The following KLHDC4 variants were observed in gnomAD, a reference collection of about 807,000 sequenced individuals.
KLHDC4 encodes kelch domain containing 4, also known as kelch domain-containing protein 4.
Under a neutral mutation model 62.4 loss-of-function variants are expected in KLHDC4, and 90 were observed. The ratio of observed to expected loss-of-function variants is 1.44; its 90% CI spans 1.22 to 1.72. The LOEUF (loss-of-function observed/expected upper bound fraction) is 1.72. KLHDC4 is among the 40% of genes most tolerant of loss of function. The pLI is 0.00. For synonymous variants in KLHDC4, 386 were observed against 284.4 expected, an observed-to-expected ratio of 1.36 and a Z score of -3.59; for missense variants, 1,025 against 699.7, an observed-to-expected ratio of 1.47 and a Z score of -5.25.
intron 7 of KLHDC4, among the ~76,000 whole-genome samples, chr16:87,725,286 T>C (rs1175074823): frequency 1.3e-5 from 2 of 152,094 alleles, no homozygotes; most frequent in East Asian, 1.9e-4. Flanking sequence ...CAATGACGCA[T>C]AGGAAATTAC....
intron 5 of KLHDC4, among the ~76,000 whole-genome samples, chr16:87,732,679 A>G (rs2040593229): frequency 6.6e-6 from 1 of 152,250 alleles, no homozygotes; most frequent in South Asian, 2.1e-4. Flanking sequence ...TAAGAATTAG[A>G]TTCTTTAAAA....
intron 7 of KLHDC4, among the ~76,000 whole-genome samples, chr16:87,721,324 G>C (rs2142995288): frequency 1.3e-5 from 2 of 150,096 alleles, no homozygotes; most frequent in African/African-American, 4.9e-5. Context: ...GGAGGCAGGA[G>C]AATGGCGTGA....
At chr16:87,743,064 A>T (rs1231347883) in intron 5 of KLHDC4, 1 of 152,362 alleles carries the variant, frequency 6.6e-6, no homozygotes, top group African/African-American at 2.4e-5. Flanking sequence ...TGGGAGAACC[A>T]TCAGACATGA....
chr16:87,756,634 T>A lies in KLHDC4; in HGVS notation c.192-157A>T, dbSNP rs1019376769. Among the ~76,000 whole-genome samples, 3 of 150,738 alleles carry A rather than the reference T, an allele frequency of 2.0e-5. 1 individual carries two copies. Among genetic ancestry groups the A allele is most frequent in the Non-Finnish European group, 4.4e-5 (3 of 67,850 alleles). ...TCGAGAAAGGAAGCAAAGGTGCCAC[T>A]TGAACACCAACCCCTCTACCAGTGC... On this transcript the variant is annotated intron_variant, in intron 2 of 11. Coordinates refer to ENST00000270583, the MANE Select transcript of KLHDC4 (RefSeq NM_017566.4).
intron 7 of KLHDC4, among the ~76,000 whole-genome samples, chr16:87,720,217 G>A (rs1046419342): frequency 1.3e-5 from 2 of 152,206 alleles, no homozygotes; most frequent in Non-Finnish European, 2.9e-5. Context: ...GATAAAGGCC[G>A]GGGAGCGTTT....
chr16:87,728,790 C>A (rs900967802), intron 6 of KLHDC4, among the ~76,000 whole-genome samples: 20 of 152,074 alleles, frequency 1.3e-4, no homozygotes, highest in African/African-American at 4.3e-4. Flanking sequence ...ACCAGCCTGG[C>A]GAACATAGTG....
intron 1 of KLHDC4, 55 bp downstream of exon 1, chr16:87,765,737 G>A (rs1008147808): frequency 3.3e-6 from 5 of 1,503,264 alleles, no homozygotes; most frequent in Non-Finnish European, 4.5e-6. Flanking sequence ...CAGGGAGTCG[G>A]CCGAGGCTGC....
At chr16:87,749,529 G>C (rs941741523) in intron 4 of KLHDC4, among the ~76,000 whole-genome samples, 5 of 147,242 alleles carry the variant, frequency 3.4e-5, no homozygotes, top group Admixed American at 2.8e-4. Flanking sequence ...ACTCCAGCCT[G>C]GACGACAGAG....
exon 1 of KLHDC4, chr16:87,698,808 G>A (rs1415761798): frequency 6.6e-6 from 1 of 152,208 alleles, no homozygotes; most frequent in African/African-American, 2.4e-5. Flanking sequence ...CCAGGCCCAG[G>A]GGACCTGCTT....
chr16:87,714,380 C>T (rs1423225030), intron 8 of KLHDC4, 118 bp downstream of exon 8: 16 of 1,360,306 alleles, frequency 1.2e-5, no homozygotes, highest in Admixed American at 5.4e-5. Flanking sequence ...GCAGGCCCTC[C>T]GCTCCGGGCA....
chr16:87,735,689 C>T lies in KLHDC4; in HGVS notation c.507-5045G>A, dbSNP rs547389061. ...AGCCCATTTATATTTGAAACCCCAA[C>T]AGGCTTCTCAAAACTGCTGTCATTC... On this transcript the variant is annotated intron_variant, in intron 5 of 11. Coordinates refer to ENST00000270583, the MANE Select transcript of KLHDC4 (RefSeq NM_017566.4). 5.3e-5 allele frequency among the ~76,000 whole-genome samples: 8 copies of T among 152,362 alleles called. No homozygotes were observed. In the South Asian group the frequency reaches 6.2e-4, roughly 12 times the overall value.
chr16:87,718,696 A>G (rs1597452417), intron 7 of KLHDC4, among the ~76,000 whole-genome samples: 1 of 134,384 alleles, frequency 7.4e-6, no homozygotes, highest in African/African-American at 2.9e-5. Context: ...ATCGTCTGGG[A>G]TGTGAGGAGC....
exon 1 of KLHDC4, chr16:87,701,797 G>T: frequency 2.2e-6 from 1 of 456,698 alleles, no homozygotes; most frequent in Non-Finnish European, 4.4e-6. Context: ...TCCCGTCTGT[G>T]CCCCATGGGA....
At chr16:87,698,298 G>A (rs1256793633) in exon 1 of KLHDC4, 1 of 152,184 alleles carries the variant, frequency 6.6e-6, no homozygotes, top group Admixed American at 6.5e-5. Context: ...TGACATTTTT[G>A]TACATCTTTT....
At chr16:87,737,498 G>T (rs1053900985) in intron 5 of KLHDC4, among the ~76,000 whole-genome samples, 1 of 152,004 alleles carries the variant, frequency 6.6e-6, no homozygotes, top group African/African-American at 2.4e-5. Context: ...TGAGGCAAGA[G>T]AATCACTTGA....
intron 7 of KLHDC4, among the ~76,000 whole-genome samples, chr16:87,716,930 T>TG (rs1567680486): frequency 5.1e-5 from 7 of 136,524 alleles, no homozygotes; most frequent in African/African-American, 1.9e-4. Context: ...AGACTCCGTC[T>TG]CAAAAAAAAG....
intron 7 of KLHDC4, among the ~76,000 whole-genome samples, chr16:87,718,522 G>A (rs1028556784): frequency 1.5e-4 from 22 of 150,266 alleles, no homozygotes; most frequent in East Asian, 5.8e-4. Flanking sequence ...GGCACGCGCC[G>A]CCACGCCTGA....
intron 7 of KLHDC4, among the ~76,000 whole-genome samples, chr16:87,715,518 C>G (rs942740260): frequency 6.6e-6 from 1 of 152,144 alleles, no homozygotes; most frequent in African/African-American, 2.4e-5. Flanking sequence ...TTCGTCCTGT[C>G]GCCTCCTCAG....
At chr16:87,714,441 T>C (rs2142966470) in intron 8 of KLHDC4, 57 bp downstream of exon 8, 2 of 1,471,440 alleles carry the variant, frequency 1.4e-6, no homozygotes, top group South Asian at 1.1e-5. Flanking sequence ...GTGTGGGCTC[T>C]GCCTCCCGCC....
Sources: gnomAD v4.1 joint callset for allele counts (sites outside exome capture counted in the v4.1 genomes callset) on GRCh38, gnomAD v4.1.1 for gene constraint, MANE v1.5 for transcripts, NCBI Gene and HGNC (gene_info 2026-07-23, HGNC 2026-07-21) for gene names.